DPP6: variants seen among roughly 807,000 people sequenced by gnomAD.
DPP6 encodes dipeptidyl peptidase like 6.
In DPP6, 69 loss-of-function variants were observed where a neutral mutation model predicts 122.6. The observed-to-expected ratio is 0.56, with a 90% confidence interval of 0.46 to 0.69. DPP6 has a LOEUF of 0.69. DPP6 is among the 30% of genes least tolerant of loss of function. The pLI is 0.00. For synonymous variants in DPP6, 418 were observed against 433.1 expected, an observed-to-expected ratio of 0.97 and a Z score of 0.43; for missense variants, 928 against 1,116.9, an observed-to-expected ratio of 0.83 and a Z score of 2.41.
intron 1 of DPP6, among the ~76,000 whole-genome samples, chr7:154,060,941 A>AC (rs753726163): frequency 2.9e-5 from 4 of 136,116 alleles, no homozygotes; most frequent in Middle Eastern, 3.7e-3. Flanking sequence ...CTGGCATAGG[A>AC]CCCCCATCGT....
intron 1 of DPP6, among the ~76,000 whole-genome samples, chr7:154,027,751 G>A (rs987798188): frequency 6.6e-6 from 1 of 151,626 alleles, no homozygotes; most frequent in Admixed American, 6.6e-5. Flanking sequence ...GCTCATCTGG[G>A]CAGGTGGTTT....
At chr7:153,871,911 G>T in the DPP6 span, among the ~76,000 whole-genome samples, 1 of 152,204 alleles carries the variant, frequency 6.6e-6, no homozygotes, top group Non-Finnish European at 1.5e-5. Context: ...TCAGGAACAA[G>T]AATTTCATCC....
At position 154,446,567 on chromosome 7, in the gene DPP6, TA is replaced by T. The variant is rs533784256; in HGVS notation, c.358+240del. Among the ~76,000 whole-genome samples the T allele has an allele frequency of 7.7e-3, 1,168 of 152,356 alleles. 8 individuals are homozygous for T. Among genetic ancestry groups the T allele is most frequent in the Middle Eastern group, 0.014 (4 of 294 alleles). ...GCTTGGCATATATTAAAATTACTTA[TA>T]CAATCACTTATTCATGCTTGATCAA... On this transcript the variant is annotated intron_variant, in intron 2 of 25. Transcript: ENST00000377770.
At chr7:153,856,855 T>C in the DPP6 span, among the ~76,000 whole-genome samples, 2 of 152,194 alleles carry the variant, frequency 1.3e-5, no homozygotes, top group Non-Finnish European at 2.9e-5. Flanking sequence ...TATTGGCTCC[T>C]TAAGAAGATC....
chr7:154,185,186 G>T (rs1166654816), intron 1 of DPP6, among the ~76,000 whole-genome samples: 1 of 152,202 alleles, frequency 6.6e-6, no homozygotes, highest in Non-Finnish European at 1.5e-5. Context: ...TGTATGGTAT[G>T]CATTGTAGGC....
the DPP6 span, among the ~76,000 whole-genome samples, chr7:153,757,222 CTG>C: frequency 1.2e-4 from 18 of 151,402 alleles, no homozygotes; most frequent in African/African-American, 4.4e-4. Flanking sequence ...CATAATGTGT[CTG>C]TTCTTTCAGT....
chr7:154,417,147 T>A (rs1817093357), intron 1 of DPP6, among the ~76,000 whole-genome samples: 1 of 152,344 alleles, frequency 6.6e-6, no homozygotes, highest in South Asian at 2.1e-4. Flanking sequence ...CTGAGGTGTC[T>A]GGGCTACTTG....
At chr7:153,960,132 C>A (rs1253193605) in intron 1 of DPP6, among the ~76,000 whole-genome samples, 2 of 152,062 alleles carry the variant, frequency 1.3e-5, no homozygotes, top group African/African-American at 2.4e-5. Context: ...ACTTAGATAT[C>A]TGATATCATA....
At chr7:153,892,583 T>A (rs903828383) in intron 1 of DPP6, among the ~76,000 whole-genome samples, 2 of 152,112 alleles carry the variant, frequency 1.3e-5, no homozygotes. Flanking sequence ...CAAAGTGCTG[T>A]GAGCCACCTC....
chr7:154,747,531 C>T (rs1843090429), intron 8 of DPP6, among the ~76,000 whole-genome samples: 1 of 152,178 alleles, frequency 6.6e-6, no homozygotes, highest in South Asian at 2.1e-4. Context: ...CAGCATCGAC[C>T]TTGTGGGGTC....
chr7:154,213,364 T>C (rs181088764), intron 1 of DPP6, among the ~76,000 whole-genome samples: 77 of 152,346 alleles, frequency 5.1e-4, no homozygotes, highest in African/African-American at 1.8e-3. Flanking sequence ...GTCCAGGCCA[T>C]GAAGGCTGCA....
At chr7:153,778,314 G>A in the DPP6 span, among the ~76,000 whole-genome samples, 1 of 152,102 alleles carries the variant, frequency 6.6e-6, no homozygotes, top group African/African-American at 2.4e-5. Context: ...TAAAAAGCAT[G>A]TGGGCATTAC....
intron 16 of DPP6, among the ~76,000 whole-genome samples, chr7:154,852,918 TA>T (rs2150577157): frequency 1.3e-5 from 2 of 152,196 alleles, no homozygotes; most frequent in South Asian, 2.1e-4. Flanking sequence ...TGGCAGTGTC[TA>T]GGGGCAGAGC....
intron 5 of DPP6, among the ~76,000 whole-genome samples, chr7:154,615,912 G>A (rs901059833): frequency 1.3e-5 from 2 of 152,266 alleles, no homozygotes; most frequent in Admixed American, 1.3e-4. Flanking sequence ...CCCAGCCCTG[G>A]TAAGTCTCCC....
At chr7:154,813,058 A>C (rs1013017826) in intron 16 of DPP6, among the ~76,000 whole-genome samples, 4 of 151,480 alleles carry the variant, frequency 2.6e-5, no homozygotes, top group African/African-American at 9.7e-5. Context: ...ATTAACTTAA[A>C]TAATAATTAT....
chr7:154,089,202 T>C (rs147327742), intron 1 of DPP6, among the ~76,000 whole-genome samples: 53,003 of 151,354 alleles, frequency 0.35, 10,522 homozygotes, highest in South Asian at 0.47. Context: ...TTTAGCTCAA[T>C]GCAAGTCCAA....
intron 3 of DPP6, among the ~76,000 whole-genome samples, chr7:154,517,989 C>T (rs1396081333): frequency 2.0e-5 from 3 of 152,162 alleles, no homozygotes; most frequent in African/African-American, 7.2e-5. Context: ...GCTGAACATT[C>T]CCATCAGCTA....
intron 6 of DPP6, among the ~76,000 whole-genome samples, chr7:154,647,628 G>A (rs1421240406): frequency 6.6e-6 from 1 of 152,128 alleles, no homozygotes; most frequent in Non-Finnish European, 1.5e-5. Context: ...GGTGAGCTCC[G>A]GTCTTCACCT....
At chr7:154,768,060 T>G (rs1253908911) in intron 8 of DPP6, among the ~76,000 whole-genome samples, 1 of 152,222 alleles carries the variant, frequency 6.6e-6, no homozygotes, top group Non-Finnish European at 1.5e-5. Context: ...CCCACTGCCC[T>G]TAGAGCCTGG....
Sources: gnomAD v4.1 joint callset for allele counts (sites outside exome capture counted in the v4.1 genomes callset) on GRCh38, gnomAD v4.1.1 for gene constraint, MANE v1.5 for transcripts, NCBI Gene and HGNC (gene_info 2026-07-23, HGNC 2026-07-21) for gene names.